Variants in LTBP1 observed in about 807,000 individuals in gnomAD.
The protein encoded by LTBP1 is latent-transforming growth factor beta-binding protein 1.
In LTBP1, 129 loss-of-function variants were observed where a neutral mutation model predicts 207.6. The observed-to-expected ratio is 0.62, with a 90% CI of 0.54 to 0.72. The LOEUF (loss-of-function observed/expected upper bound fraction) is 0.72, where lower values mean the gene tolerates loss of function less well. LTBP1 is among the 30% of genes least tolerant of loss of function. LTBP1 has a pLI of 0.00. For missense variants in LTBP1, 2,281 were observed against 2,217.2 expected (o/e 1.03, Z -0.58); for synonymous variants, 963 against 833.7 (o/e 1.16, Z -2.67).
chr2:33,169,056 A>G (rs1329063577), intron 5 of LTBP1, among the ~76,000 whole-genome samples: 1 of 152,228 alleles, frequency 6.6e-6, no homozygotes, highest in Non-Finnish European at 1.5e-5. Flanking sequence ...AAGGAGTTGT[A>G]GTCGGGCCTT....
chr2:33,190,850 G>T (rs984015672), intron 7 of LTBP1, among the ~76,000 whole-genome samples: 1 of 152,286 alleles, frequency 6.6e-6, no homozygotes, highest in South Asian at 2.1e-4. Context: ...GACTACAGGG[G>T]ACCTAACGTG....
intron 2 of LTBP1, among the ~76,000 whole-genome samples, chr2:32,994,329 T>C (rs955577190): frequency 2.6e-5 from 4 of 152,174 alleles, no homozygotes; most frequent in African/African-American, 9.6e-5. Context: ...ACTATTATTA[T>C]GCTAATTTTA....
At chr2:33,188,378 G>A (rs1294326826) in intron 6 of LTBP1, among the ~76,000 whole-genome samples, 199 bp from the exon 7 acceptor site, 2 of 127,970 alleles carry the variant, frequency 1.6e-5, no homozygotes, top group African/African-American at 5.9e-5. Context: ...AATGAGCTGA[G>A]ATCGAGCCAT....
chr2:33,093,487 A>G (rs2079218376), intron 3 of LTBP1, among the ~76,000 whole-genome samples: 1 of 151,782 alleles, frequency 6.6e-6, no homozygotes, highest in Non-Finnish European at 1.5e-5. Flanking sequence ...TTTTTTTGGC[A>G]ACTAGGATAC....
intron 23 of LTBP1, 119 bp from the exon 24 acceptor site, chr2:33,315,025 T>C (rs1271041934): frequency 1.2e-5 from 9 of 768,748 alleles, no homozygotes; most frequent in African/African-American, 1.8e-5. Flanking sequence ...AATGGTATAG[T>C]TGTTCCACTA....
chr2:33,030,826 T>A (rs1450237589), intron 3 of LTBP1, among the ~76,000 whole-genome samples: 2 of 152,222 alleles, frequency 1.3e-5, no homozygotes, highest in Non-Finnish European at 2.9e-5. Context: ...TGGCTTTGAA[T>A]GGTCTTATGA....
chr2:33,380,505 G>A (rs148036613), intron 31 of LTBP1, among the ~76,000 whole-genome samples: 118 of 152,152 alleles, frequency 7.8e-4, no homozygotes, highest in East Asian at 2.3e-3. Flanking sequence ...GGAAGCAGAG[G>A]CTGCTGTGAG....
intron 26 of LTBP1, among the ~76,000 whole-genome samples, chr2:33,354,471 A>G (rs1045153869): frequency 6.6e-6 from 1 of 152,048 alleles, no homozygotes; most frequent in African/African-American, 2.4e-5. Flanking sequence ...AAATACGTTC[A>G]TTTGTTTAAA....
chr2:33,333,067 A>AG (rs2094515443), intron 24 of LTBP1: 1 of 152,214 alleles, frequency 6.6e-6, no homozygotes, highest in Non-Finnish European at 1.5e-5. Flanking sequence ...TTTGGGTGTT[A>AG]TTCTAAGTGT....
intron 7 of LTBP1, among the ~76,000 whole-genome samples, chr2:33,198,853 C>T (rs1419938480): frequency 6.6e-6 from 1 of 152,164 alleles, no homozygotes; most frequent in Non-Finnish European, 1.5e-5. Context: ...AAACCAGCTC[C>T]TGGATTCATT....
At chr2:33,040,576 G>A (rs1405610226) in intron 3 of LTBP1, among the ~76,000 whole-genome samples, 1 of 152,276 alleles carries the variant, frequency 6.6e-6, no homozygotes, top group East Asian at 1.9e-4. Context: ...AACCACATAT[G>A]TCACTGCTCT....
intron 3 of LTBP1, among the ~76,000 whole-genome samples, chr2:33,081,662 C>T (rs368286445): frequency 2.2e-3 from 330 of 152,212 alleles, no homozygotes; most frequent in African/African-American, 7.5e-3. Context: ...TTGTCTTCTC[C>T]CAAACTCATG....
chr2:33,087,178 G>A (rs1317796291), intron 3 of LTBP1, among the ~76,000 whole-genome samples: 2 of 142,372 alleles, frequency 1.4e-5, no homozygotes, highest in African/African-American at 5.3e-5. Context: ...GGGCTCCAGT[G>A]ATCTTCCCAC....
intron 19 of LTBP1, among the ~76,000 whole-genome samples, chr2:33,281,156 ACC>A (rs1327086153): frequency 6.6e-6 from 1 of 152,032 alleles, no homozygotes; most frequent in Non-Finnish European, 1.5e-5. Flanking sequence ...AACTGATATG[ACC>A]CCTTCCTTTT....
In LTBP1 at chr2:33,382,062, G is replaced by A. The variant is rs1247359131; in HGVS notation, c.4712-7122G>A. 4.2e-4 allele frequency among the ~76,000 whole-genome samples: 53 copies of A among 125,830 alleles called. 1 individual carries two copies. The highest frequency in any genetic ancestry group is 4.5e-4 in the Admixed American group (5 of 11,222). 82.5% of individuals were successfully genotyped at this position (125,830 alleles called of 152,430 possible). A position where few individuals can be genotyped will look rare whatever the true frequency, so the allele number is the denominator to read the frequency against. ...GTAGCCTGCATCTACAGCAGTTAGC[G>A]CCCTACTGCTTCTTTTTTTTTTTTT... On this transcript the variant is annotated intron_variant, in intron 31 of 33. Coordinates refer to ENST00000404816, the MANE Select transcript of LTBP1 (RefSeq NM_206943.4).
chr2:33,069,239 T>G (rs1207047412), intron 3 of LTBP1, among the ~76,000 whole-genome samples: 1 of 152,140 alleles, frequency 6.6e-6, no homozygotes, highest in South Asian at 2.1e-4. Context: ...GAGCCTGGAC[T>G]GGGGAGAAAG....
intron 15 of LTBP1, among the ~76,000 whole-genome samples, chr2:33,269,460 C>T (rs2148252398): frequency 6.6e-6 from 1 of 152,280 alleles, no homozygotes; most frequent in Non-Finnish European, 1.5e-5. Flanking sequence ...TTATGAAGGA[C>T]ATGTGAGAGA....
Position 33,398,713 on chromosome 2 carries a change from T to C in LTBP1, c.*168T>C, listed in dbSNP as rs186440081. Reference sequence around the variant, plus strand: ...ATGAGAGGATTTAGGATGAGCCCGATAGGTGTGGCAGACCAAATGGACATT... The same window carrying C: ...ATGAGAGGATTTAGGATGAGCCCGACAGGTGTGGCAGACCAAATGGACATT... On this transcript the variant is annotated 3_prime_UTR_variant, in exon 34 of 34. Transcript: ENST00000404816. 2.1e-5 allele frequency: 12 copies of C among 571,794 alleles called. No homozygotes were observed. Among genetic ancestry groups the C allele is most frequent in the African/African-American group, 1.7e-4 (9 of 52,408 alleles). 35.4% of individuals were successfully genotyped at this position (571,794 alleles called of 1,614,324 possible).
At position 33,327,150 on chromosome 2, in the gene LTBP1, G is replaced by C. The variant is rs2094438441; in HGVS notation, c.3730+11881G>C. 5.3e-5 allele frequency among the ~76,000 whole-genome samples: 8 copies of C among 152,314 alleles called. No individual in the cohort carries two copies. In the South Asian group the frequency reaches 1.7e-3, roughly 32 times the overall value. On this transcript the variant is annotated intron_variant, in intron 24 of 33. Transcript: ENST00000404816. ...CAGTGGTTCAGATAGACTCTGGGAA[G>C]GGGGTGAGTCCAGTGAGGACCCTGG...
Sources: gnomAD v4.1 joint callset for allele counts (sites outside exome capture counted in the v4.1 genomes callset) on GRCh38, gnomAD v4.1.1 for gene constraint, MANE v1.5 for transcripts, NCBI Gene and HGNC (gene_info 2026-07-23, HGNC 2026-07-21) for gene names.